ABLIM2: variants seen among roughly 807,000 people sequenced by gnomAD.
ABLIM2 encodes actin-binding LIM protein 2.
ABLIM2 carries 53 observed loss-of-function variants against 97.7 expected under a neutral mutation model. The observed-to-expected ratio is 0.54, with a 90% confidence interval of 0.44 to 0.68. The LOEUF is 0.68. ABLIM2 is among the 30% of genes least tolerant of loss of function. The pLI is 0.00. For synonymous variants in ABLIM2, 361 were observed against 345.8 expected (o/e 1.04, Z -0.49); for missense variants, 835 against 867.2 (o/e 0.96, Z 0.47).
chr4:8,054,383 TC>T lies in ABLIM2; in HGVS notation c.764-138del. On this transcript the variant is annotated intron_variant, in intron 7 of 20. Transcript: ENST00000447017. This position sits in a 1 kb window ranked among gnomAD's most constrained non-coding sequence, Gnocchi z 4.9. ...TCCACCCTCCAAGCGGCCCTGAGCA[TC>T]CTCTCTGTGCTGGAGTTAGTGCCGG... 1 of 898,836 alleles carries T rather than the reference TC, an allele frequency of 1.1e-6. No individual in the cohort carries two copies. The highest frequency in any genetic ancestry group is 1.8e-6 in the Non-Finnish European group (1 of 570,372). 55.7% of individuals were successfully genotyped at this position (898,836 alleles called of 1,614,324 possible). A position where few individuals can be genotyped will look rare whatever the true frequency, so the allele number is the denominator to read the frequency against.
At chr4:8,041,967 A>ACAACAACAGCAG in intron 9 of ABLIM2, among the ~76,000 whole-genome samples, 2 of 152,012 alleles carry the variant, frequency 1.3e-5, no homozygotes, top group South Asian at 2.1e-4. Context: ...GCAGGTTCCA[A>ACAACAACAGCAG]CAACAACAGC....
chr4:7,968,636 A>C (rs1243382551), intron 20 of ABLIM2, among the ~76,000 whole-genome samples: 1 of 152,216 alleles, frequency 6.6e-6, no homozygotes, highest in Admixed American at 6.5e-5. Flanking sequence ...AGGCAAGTCC[A>C]TAGAGACAGA....
At chr4:8,047,367 C>CTCT (rs977053276) in intron 8 of ABLIM2, among the ~76,000 whole-genome samples, 2 of 151,594 alleles carry the variant, frequency 1.3e-5, no homozygotes, top group African/African-American at 4.8e-5. Flanking sequence ...CTTCCTCCTC[C>CTCT]TCCTCCTCCT....
At chr4:8,134,860 TACATGTCTATTTGCATGTGGG>T (rs1849956732) in intron 1 of ABLIM2, among the ~76,000 whole-genome samples, 1 of 152,232 alleles carries the variant, frequency 6.6e-6, no homozygotes, top group Admixed American at 6.5e-5. Context: ...GAATATCCCT[TACATGTCTATTTGCATGTGGG>T]TGCAAAGACA....
At chr4:8,000,470 T>C (rs1756353406) in intron 16 of ABLIM2, among the ~76,000 whole-genome samples, 1 of 152,156 alleles carries the variant, frequency 6.6e-6, no homozygotes, top group East Asian at 1.9e-4. Context: ...CGGGCTGAGA[T>C]TGAATCATGG....
intron 8 of ABLIM2, among the ~76,000 whole-genome samples, chr4:8,048,631 G>C (rs895353259): frequency 6.6e-6 from 1 of 152,176 alleles, no homozygotes; most frequent in Non-Finnish European, 1.5e-5. Context: ...CATTCAGCCG[G>C]AACGGCCCCG....
chr4:8,098,545 A>G (rs4303965), intron 2 of ABLIM2, among the ~76,000 whole-genome samples: 28,369 of 152,130 alleles, frequency 0.19, 5,568 homozygotes, highest in African/African-American at 0.48. Flanking sequence ...TGGAACGCCT[A>G]CATTCCAGGG....
intron 1 of ABLIM2, among the ~76,000 whole-genome samples, chr4:8,142,110 A>G (rs1851080507): frequency 6.6e-6 from 1 of 152,218 alleles, no homozygotes; most frequent in African/African-American, 2.4e-5. Context: ...AGGTGGCACC[A>G]TGGGAGATAG....
At chr4:8,158,346 C>T (rs1180581437) in intron 1 of ABLIM2, among the ~76,000 whole-genome samples, 2 of 152,188 alleles carry the variant, frequency 1.3e-5, no homozygotes, top group Non-Finnish European at 2.9e-5. Flanking sequence ...CCCAGGCCCC[C>T]GCGCGGACCC....
intron 1 of ABLIM2, among the ~76,000 whole-genome samples, chr4:8,157,500 C>T (rs913844179): frequency 6.6e-6 from 1 of 152,234 alleles, no homozygotes; most frequent in Non-Finnish European, 1.5e-5. Flanking sequence ...CTCCCAAAGG[C>T]TCCCGGCAAC....
chr4:8,044,690 TCGAA>T lies in ABLIM2; in HGVS notation c.900+470_900+473del, dbSNP rs34227175. On this transcript the variant is annotated intron_variant, in intron 9 of 20. Coordinates refer to ENST00000447017, the MANE Select transcript of ABLIM2 (RefSeq NM_001130083.2). This position sits in a 1 kb window ranked among gnomAD's most constrained non-coding sequence, Gnocchi z 4.4. ...CAGAGTCTCTCTCTCTCTCTCTCTCTCGAACGAACGAAAACGGGATCACATAATT... is the reference window on the plus strand; with the variant it reads ...CAGAGTCTCTCTCTCTCTCTCTCTCTCGAACGAAAACGGGATCACATAATT... Among the ~76,000 whole-genome samples the T allele has an allele frequency of 0.012, 943 of 77,940 alleles. 3 individuals carry two copies. The highest frequency in any genetic ancestry group is 0.027 in the African/African-American group (447 of 16,598). 51.1% of individuals were successfully genotyped at this position (77,940 alleles called of 152,430 possible).
chr4:7,975,268 G>C (rs28523521), intron 20 of ABLIM2, among the ~76,000 whole-genome samples: 7,044 of 152,242 alleles, frequency 0.046, 485 homozygotes, highest in African/African-American at 0.16. Flanking sequence ...ACAGCATATT[G>C]CAGTGGCTCT....
intron 1 of ABLIM2, among the ~76,000 whole-genome samples, chr4:8,145,963 A>C (rs1851742393): frequency 6.6e-6 from 1 of 152,210 alleles, no homozygotes; most frequent in Non-Finnish European, 1.5e-5. Context: ...CAAACCCGCC[A>C]CTAGCATGTC....
At chr4:8,110,171 G>A (rs146373838) in intron 1 of ABLIM2, among the ~76,000 whole-genome samples, 1 of 152,380 alleles carries the variant, frequency 6.6e-6, no homozygotes, top group East Asian at 1.9e-4. Flanking sequence ...GGCTCAGTCA[G>A]AGCTCACAGG....
chr4:8,009,932 C>T (rs1299171525), intron 14 of ABLIM2, among the ~76,000 whole-genome samples: 1 of 152,142 alleles, frequency 6.6e-6, no homozygotes, highest in Non-Finnish European at 1.5e-5. Flanking sequence ...CAACATGAGC[C>T]CAGGCCTTCT....
At chr4:8,126,294 G>A (rs908145394) in intron 1 of ABLIM2, among the ~76,000 whole-genome samples, 8 of 152,240 alleles carry the variant, frequency 5.3e-5, no homozygotes, top group African/African-American at 1.9e-4. Flanking sequence ...CAGGCCTCGT[G>A]CCCACACAGA....
rs951884175 is a variant in ABLIM2 at position 8,130,691 on chromosome 4, A to C, written c.11-24054T>G. ...GGGGCTTCCTGGAGGAGGGGGTATC[A>C]AAGTCCAGCTGTGAGATGGAGGAGG... On this transcript the variant is annotated intron_variant, in intron 1 of 20. Coordinates refer to ENST00000447017, the MANE Select transcript of ABLIM2 (RefSeq NM_001130083.2). This position sits in a 1 kb window ranked among gnomAD's most constrained non-coding sequence, Gnocchi z 4.2. Among the ~76,000 whole-genome samples the C allele has an allele frequency of 6.6e-6, 1 of 152,094 alleles. No individual in the cohort carries two copies. Among genetic ancestry groups the C allele is most frequent in the Non-Finnish European group, 1.5e-5 (1 of 68,008 alleles).
chr4:8,027,980 T>C lies in ABLIM2; in HGVS notation c.1169-123A>G, dbSNP rs1014622041. 8 of 671,258 alleles carry C rather than the reference T, an allele frequency of 1.2e-5. No homozygotes were observed. In the African/African-American group the frequency reaches 1.5e-4, roughly 13 times the overall value. 41.6% of individuals were successfully genotyped at this position (671,258 alleles called of 1,614,324 possible). ...TCCTCTCTTGAGGAATGCACAACTT[T>C]TTGCACCTGAAGGTGGTCACCAAAC... On this transcript the variant is annotated intron_variant, in intron 11 of 20. Transcript: ENST00000447017.
At chr4:8,073,054 T>C (rs982780004) in intron 6 of ABLIM2, among the ~76,000 whole-genome samples, 1 of 151,840 alleles carries the variant, frequency 6.6e-6, no homozygotes, top group Non-Finnish European at 1.5e-5. Context: ...GGGACTTCCA[T>C]ACCAGGCTGC....
Sources: allele counts gnomAD v4.1 joint callset (sites outside exome capture counted in the v4.1 genomes callset), GRCh38; gene constraint gnomAD v4.1.1; non-coding constraint Gnocchi (gnomAD v3.1); transcripts MANE v1.5; gene names NCBI Gene and HGNC (gene_info 2026-07-23, HGNC 2026-07-21).